The following LIPA variants were observed in gnomAD, a reference collection of about 807,000 sequenced individuals.
The protein encoded by LIPA is lysosomal acid lipase/cholesteryl ester hydrolase.
LIPA carries 26 observed loss-of-function variants against 40.6 expected under a neutral mutation model. The ratio of observed to expected loss-of-function variants is 0.64; its 90% confidence interval spans 0.47 to 0.89. LIPA has a LOEUF of 0.89. LIPA is among the 40% of genes least tolerant of loss of function. LIPA has a pLI of 0.00. For synonymous variants in LIPA, 188 were observed against 168.4 expected, an observed-to-expected ratio of 1.12 and a Z score of -0.90; for missense variants, 455 against 479.6, an observed-to-expected ratio of 0.95 and a Z score of 0.48.
At chr10:89,384,116 A>G (rs1844185226) in intron 2 of LIPA, 1 of 1,614,098 alleles carries the variant, frequency 6.2e-7, no homozygotes, top group Admixed American at 1.7e-5. Context: ...GGGTCTGTGG[A>G]TAAAGCTCTT....
At chr10:89,340,041 G>A in intron 1 of LIPA, 1 of 1,614,208 alleles carries the variant, frequency 6.2e-7, no homozygotes, top group Non-Finnish European at 8.5e-7. Flanking sequence ...CAGCATCTGA[G>A]CTTGAGGATG....
At chr10:89,259,979 C>T (rs1397747440) in intron 1 of LIPA, among the ~76,000 whole-genome samples, 1 of 152,042 alleles carries the variant, frequency 6.6e-6, no homozygotes, top group Non-Finnish European at 1.5e-5. Context: ...GATGGTTTCA[C>T]AGGTATATAC....
intron 2 of LIPA, among the ~76,000 whole-genome samples, chr10:89,399,248 GTTCT>G (rs1202074314): frequency 6.6e-6 from 1 of 152,040 alleles, no homozygotes; most frequent in African/African-American, 2.4e-5. Context: ...AGTTGTAGAG[GTTCT>G]TTATCTATTC....
intron 1 of LIPA, among the ~76,000 whole-genome samples, chr10:89,413,806 TTATGGACAGGA>T (rs1841500910): frequency 6.6e-6 from 1 of 150,920 alleles, no homozygotes; most frequent in East Asian, 1.9e-4. Context: ...AAAAGATGAA[TTATGGACAGGA>T]TATTGAGGTT....
chr10:89,392,590 C>T (rs966338073), intron 2 of LIPA: 11 of 1,041,592 alleles, frequency 1.1e-5, no homozygotes, highest in Admixed American at 7.4e-5. Context: ...CTGTTTAGCT[C>T]CCTTATATAA....
chr10:89,307,320 G>A (rs754992517), intron 1 of LIPA: 3 of 1,612,880 alleles, frequency 1.9e-6, no homozygotes, highest in South Asian at 1.1e-5. Context: ...GACTCTGAGA[G>A]GGGTTTGGAG....
chr10:89,311,328 G>C (rs113417362), intron 1 of LIPA, among the ~76,000 whole-genome samples: 6,187 of 151,930 alleles, frequency 0.041, 424 homozygotes, highest in African/African-American at 0.14. Context: ...TTCCAGACCA[G>C]CCTGATCAAT....
At position 89,339,321 on chromosome 10, in the gene LIPA, A is replaced by G. The variant is rs540964847; in HGVS notation, c.-2+3290T>C. 6 of 1,613,846 alleles carry G rather than the reference A, an allele frequency of 3.7e-6. No individual in the cohort carries two copies. In the Admixed American group the frequency reaches 1.0e-4, roughly 27 times the overall value. On this transcript the variant is annotated intron_variant, in intron 1 of 5. Transcript: ENST00000282673. ...GCCTGAAACTGCAGAAGATGAATAAAGAAGCTGAAGGAGAGCAGTTTGTTG... is the reference window on the plus strand; with the variant it reads ...GCCTGAAACTGCAGAAGATGAATAAGGAAGCTGAAGGAGAGCAGTTTGTTG...
intron 1 of LIPA, among the ~76,000 whole-genome samples, chr10:89,270,754 C>T (rs1843261422): frequency 6.6e-6 from 1 of 152,280 alleles, no homozygotes; most frequent in South Asian, 2.1e-4. Flanking sequence ...GTTATACGAC[C>T]CAACAGATCT....
At chr10:89,389,975 CTTTTT>C (rs56947144) in intron 2 of LIPA, among the ~76,000 whole-genome samples, 4 of 80,342 alleles carry the variant, frequency 5.0e-5, no homozygotes, top group Non-Finnish European at 9.0e-5. Flanking sequence ...AGATTTCTTT[CTTTTT>C]TTTTTTTTTT....
At chr10:89,260,587 C>A (rs751165851) in intron 1 of LIPA, among the ~76,000 whole-genome samples, 21 of 152,302 alleles carry the variant, frequency 1.4e-4, no homozygotes, top group Non-Finnish European at 2.5e-4. Context: ...ACGCTTGGGC[C>A]TCCTACTTGG....
chr10:89,348,320 C>T (rs1029229098), intron 2 of LIPA, among the ~76,000 whole-genome samples: 8 of 150,054 alleles, frequency 5.3e-5, no homozygotes, highest in South Asian at 2.1e-4. Flanking sequence ...TTTTCCATTG[C>T]GACAAAGTCA....
intron 2 of LIPA, chr10:89,392,614 T>G (rs1589631888): frequency 7.5e-7 from 1 of 1,333,760 alleles, no homozygotes; most frequent in East Asian, 2.3e-5. Flanking sequence ...TGTCTTGGGG[T>G]TTAAACGTAA....
intron 2 of LIPA, among the ~76,000 whole-genome samples, chr10:89,379,430 T>G (rs1347461581): frequency 6.6e-6 from 1 of 152,120 alleles, no homozygotes; most frequent in Non-Finnish European, 1.5e-5. Flanking sequence ...AAATAAGAAA[T>G]TTTGTAGGCA....
chr10:89,227,039 A>G (rs1317880915), intron 4 of LIPA, 35 bp from the exon 5 acceptor site: 1 of 1,258,328 alleles, frequency 7.9e-7, no homozygotes, highest in African/African-American at 1.5e-5. Context: ...TCATTGAAAT[A>G]GTACATAAAA....
chr10:89,360,369 T>C (rs1844015119), intron 2 of LIPA, among the ~76,000 whole-genome samples: 1 of 152,144 alleles, frequency 6.6e-6, no homozygotes, highest in Non-Finnish European at 1.5e-5. Context: ...AGCCAAGCAT[T>C]ATTGTTCAGA....
intron 1 of LIPA, among the ~76,000 whole-genome samples, chr10:89,294,341 T>G (rs568459300): frequency 9.7e-4 from 148 of 152,314 alleles, no homozygotes; most frequent in African/African-American, 3.2e-3. Flanking sequence ...GAACAGACAT[T>G]TATGGACACA....
At chr10:89,254,722 T>C (rs926591393), upstream of LIPA, among the ~76,000 whole-genome samples, 9 of 152,198 alleles carry the variant, frequency 5.9e-5, no homozygotes, top group Non-Finnish European at 1.0e-4. Context: ...ATGTTTTGTT[T>C]CCCTTTTAAA....
intron 1 of LIPA, chr10:89,339,127 T>C: frequency 6.2e-7 from 1 of 1,614,090 alleles, no homozygotes; most frequent in Non-Finnish European, 8.5e-7. Flanking sequence ...GGCGAAGGTG[T>C]GTTTTGAGAA....
Sources: gnomAD v4.1 joint callset for allele counts (sites outside exome capture counted in the v4.1 genomes callset) on GRCh38, gnomAD v4.1.1 for gene constraint, MANE v1.5 for transcripts, NCBI Gene and HGNC (gene_info 2026-07-23, HGNC 2026-07-21) for gene names.